Variants in TRPM7 observed in about 807,000 individuals in gnomAD.
The protein encoded by TRPM7 is LTRPC ion channel family member 7.
Under a neutral mutation model 229.7 loss-of-function variants are expected in TRPM7, and 134 were observed. That is an observed-to-expected ratio of 0.58 (90% confidence interval 0.51 to 0.67). The LOEUF (loss-of-function observed/expected upper bound fraction) is 0.67, where lower values mean the gene tolerates loss of function less well. Ranked by LOEUF, TRPM7 falls within the 30% of genes least tolerant of loss-of-function variation. TRPM7 has a pLI of 0.00. For synonymous variants in TRPM7, 699 were observed against 715.2 expected, an observed-to-expected ratio of 0.98 and a Z score of 0.36; for missense variants, 1,901 against 2,210.0, an observed-to-expected ratio of 0.86 and a Z score of 2.80.
Position 50,605,874 on chromosome 15 carries a change from CAG to C in TRPM7, c.2710-732_2710-731del, listed in dbSNP as rs546560459. Among the ~76,000 whole-genome samples, 415 of 152,130 alleles carry C rather than the reference CAG, an allele frequency of 2.7e-3. 1 individual carries two copies. The South Asian group carries it at 0.03, about 11-fold the overall frequency. ...TAATAAACATATGGATCATAACACTCAGAGGAATTTAAAATGCAAAATAAGCT... is the reference window on the plus strand; with the variant it reads ...TAATAAACATATGGATCATAACACTCAGGAATTTAAAATGCAAAATAAGCT... On this transcript the variant is annotated intron_variant, in intron 20 of 38. Coordinates refer to ENST00000646667, the MANE Select transcript of TRPM7 (RefSeq NM_017672.6).
At chr15:50,630,039 G>A (rs1378367489) in intron 10 of TRPM7, among the ~76,000 whole-genome samples, 1 of 151,450 alleles carries the variant, frequency 6.6e-6, no homozygotes, top group East Asian at 1.9e-4. Flanking sequence ...TTTTTGTATT[G>A]TTAGTAGAGA....
chr15:50,683,141 G>C (rs1175391203), intron 1 of TRPM7, among the ~76,000 whole-genome samples: 1 of 151,308 alleles, frequency 6.6e-6, no homozygotes. Flanking sequence ...ACCCGCCTCA[G>C]TCTCTCAAAG....
intron 19 of TRPM7, 43 bp downstream of exon 19, chr15:50,609,538 C>T (rs756258283): frequency 5.8e-6 from 9 of 1,558,726 alleles, no homozygotes; most frequent in South Asian, 1.2e-5. Context: ...CCCCCAAAGC[C>T]TAACTCTTAA....
intron 1 of TRPM7, among the ~76,000 whole-genome samples, chr15:50,678,557 T>C (rs201557627): frequency 8.8e-5 from 13 of 148,170 alleles, no homozygotes; most frequent in East Asian, 4.0e-4. Context: ...CACACACACA[T>C]ATACATAATT....
intron 13 of TRPM7, among the ~76,000 whole-genome samples, chr15:50,617,126 C>T (rs1377386004): frequency 7.3e-6 from 1 of 137,554 alleles, no homozygotes; most frequent in African/African-American, 2.7e-5. Context: ...CCCATCTCTA[C>T]CAAAAAAATA....
At chr15:50,614,946 G>C (rs1352833270) in intron 13 of TRPM7, among the ~76,000 whole-genome samples, 2 of 151,954 alleles carry the variant, frequency 1.3e-5, no homozygotes, top group Non-Finnish European at 2.9e-5. Flanking sequence ...GAGGCAGGCA[G>C]ATCACCTGAG....
At chr15:50,651,817 G>A (rs1213352458) in intron 3 of TRPM7, among the ~76,000 whole-genome samples, 1 of 152,058 alleles carries the variant, frequency 6.6e-6, no homozygotes, top group Non-Finnish European at 1.5e-5. Context: ...AACCCAGGAG[G>A]TGGGGGTTGC....
chr15:50,609,709 C>G lies in TRPM7; in HGVS notation c.2452G>C (p.Val818Leu). 2 of 1,583,018 alleles carry G rather than the reference C, an allele frequency of 1.3e-6. No individual in the cohort carries two copies. The highest frequency in any genetic ancestry group is 8.5e-7 in the Non-Finnish European group (1 of 1,169,650). Reference sequence around the variant, plus strand: ...CCTTCATTACTATCCAAAATCCGTACTTCTTTAAACACTTCCTAAAATTAA... The same window carrying G: ...CCTTCATTACTATCCAAAATCCGTAGTTCTTTAAACACTTCCTAAAATTAA... ...EEIPMEVFKEVRILDSNEGKN... is the reference protein window; with the variant it reads ...EEIPMEVFKELRILDSNEGKN... Residue 818 changes from valine to leucine, a missense_variant, in exon 19 of 39, where the codon GTA becomes CTA. Transcript: ENST00000646667.
chr15:50,569,243 T>A (rs1028032524), intron 38 of TRPM7, among the ~76,000 whole-genome samples: 2 of 151,984 alleles, frequency 1.3e-5, no homozygotes, highest in African/African-American at 4.8e-5. Flanking sequence ...ATGATGCACA[T>A]CAAAGAGAGA....
chr15:50,575,249 A>C (rs1261035568), intron 33 of TRPM7, 114 bp from the exon 34 acceptor site: 1 of 845,930 alleles, frequency 1.2e-6, no homozygotes, highest in African/African-American at 1.7e-5. Context: ...AAATGGACCA[A>C]GATGTAGTTT....
chr15:50,642,195 G>A (rs867007097), intron 5 of TRPM7, among the ~76,000 whole-genome samples: 3 of 152,250 alleles, frequency 2.0e-5, no homozygotes, highest in Middle Eastern at 3.4e-3. Flanking sequence ...CTGAGGCAAT[G>A]GATTGCCATT....
chr15:50,596,855 A>G (rs1415522336), intron 22 of TRPM7, among the ~76,000 whole-genome samples: 1 of 152,116 alleles, frequency 6.6e-6, no homozygotes, highest in Non-Finnish European at 1.5e-5. Context: ...GGTTAAAGCA[A>G]TTCTCCTGCC....
intron 1 of TRPM7, among the ~76,000 whole-genome samples, chr15:50,670,740 G>A (rs1018394152): frequency 9.3e-5 from 14 of 150,966 alleles, no homozygotes; most frequent in Non-Finnish European, 1.6e-4. Context: ...CAACCTATGG[G>A]GTAACCATTC....
intron 1 of TRPM7, among the ~76,000 whole-genome samples, chr15:50,664,494 G>A (rs80064669): frequency 0.03 from 4,618 of 152,022 alleles, 231 homozygotes; most frequent in African/African-American, 0.11. Flanking sequence ...ACATCAATAG[G>A]GATAGAGAAG....
In TRPM7 at chr15:50,557,462, G is replaced by C. The variant is rs76393895; in HGVS notation, c.*4216C>G. On this transcript the variant is annotated 3_prime_UTR_variant, in exon 39 of 39. Transcript: ENST00000646667. Reference sequence around the variant, plus strand: ...CAACATAGTCTGACTTGAGAGTGGGGAAAGTGGAACAAGGGAGTAATTTTT... The same window carrying C: ...CAACATAGTCTGACTTGAGAGTGGGCAAAGTGGAACAAGGGAGTAATTTTT... The C allele has an allele frequency of 6.6e-6, 1 of 152,066 alleles. No individual in the cohort carries two copies. The highest frequency in any genetic ancestry group is 6.5e-5 in the Admixed American group (1 of 15,270). The allele number at this position is 152,066 out of a possible 1,614,324, so 9.4% of individuals were successfully genotyped here. A position where few individuals can be genotyped will look rare whatever the true frequency, so the allele number is the denominator to read the frequency against.
chr15:50,611,264 G>C lies in TRPM7; in HGVS notation c.2109C>G (p.Thr703=), dbSNP rs559914749. The part of the protein sequence containing the change: ...LLEQSFRQDE[T]MAMKLLTYEL... ...CATAAGTGAGCAATTTCATAGCCAT[G>C]GTTTCATCTTGTCTGAAGGACTGTT... is the stretch of plus-strand genomic sequence containing the variant. Residue 703 remains threonine, a synonymous_variant, in exon 17 of 39, where the codon ACC becomes ACG. Transcript: ENST00000646667. The C allele has an allele frequency of 5.0e-6, 8 of 1,613,844 alleles. No individual in the cohort carries two copies. In the South Asian group the frequency reaches 7.7e-5, roughly 16 times the overall value.
intron 38 of TRPM7, among the ~76,000 whole-genome samples, chr15:50,569,312 C>T (rs1395950163): frequency 1.3e-5 from 2 of 152,136 alleles, no homozygotes; most frequent in Non-Finnish European, 2.9e-5. Flanking sequence ...TCTCTGCATA[C>T]AAAGATGATG....
rs1306412192 is a variant in TRPM7 at position 50,599,126 on chromosome 15, A to G, written c.3159T>C (p.Ile1053=). The G allele has an allele frequency of 1.3e-6, 2 of 1,593,170 alleles. No individual in the cohort carries two copies. Among genetic ancestry groups the G allele is most frequent in the African/African-American group, 1.4e-5 (1 of 73,932 alleles). The change falls in exon 22 of 39, where the codon ATT becomes ATC. Residue 1053 remains isoleucine, a synonymous_variant. Transcript: ENST00000646667. ...CTGTAAATATACAATTCTTACCATC[A>G]ATTTCGTATGCATAAACTTCACCAA... ...MIFGEVYAYE[I]DVCANDSVIP...
At chr15:50,585,750 G>A (rs1261649099) in intron 28 of TRPM7, among the ~76,000 whole-genome samples, 2 of 152,106 alleles carry the variant, frequency 1.3e-5, no homozygotes, top group Non-Finnish European at 2.9e-5. Context: ...TTTTCTTAAG[G>A]AACCTTTATA....
Sources: allele counts gnomAD v4.1 joint callset (sites outside exome capture counted in the v4.1 genomes callset), GRCh38; gene constraint gnomAD v4.1.1; transcripts MANE v1.5; gene names NCBI Gene and HGNC (gene_info 2026-07-23, HGNC 2026-07-21).